Variants in LARGE1 observed in about 807,000 individuals in gnomAD.
LARGE1 encodes the protein LARGE xylosyl- and glucuronyltransferase 1, also known as xylosyl- and glucuronyltransferase LARGE1.
A neutral mutation model predicts 87.6 loss-of-function variants in LARGE1; 43 were observed. That is an observed-to-expected ratio of 0.49 (90% confidence interval 0.38 to 0.63). The LOEUF is 0.63. Among genes scored for constraint, LARGE1 ranks in the 30% least tolerant of loss-of-function variants. The pLI, the probability that LARGE1 is intolerant of heterozygous loss-of-function variation, is 0.00. For synonymous variants in LARGE1, 434 were observed against 394.6 expected, an observed-to-expected ratio of 1.10 and a Z score of -1.18; for missense variants, 802 against 1,000.2, an observed-to-expected ratio of 0.80 and a Z score of 2.67.
At chr22:33,289,261 C>T (rs1932109054) in intron 12 of LARGE1, among the ~76,000 whole-genome samples, 1 of 152,024 alleles carries the variant, frequency 6.6e-6, no homozygotes, top group Non-Finnish European at 1.5e-5. Flanking sequence ...CCCAGCTGGA[C>T]CAAGGAGTTC....
At chr22:33,245,484 TTCTA>T (rs1416121563) in intron 11 of LARGE1, among the ~76,000 whole-genome samples, 1 of 152,232 alleles carries the variant, frequency 6.6e-6, no homozygotes, top group African/African-American at 2.4e-5. Context: ...ACTGGACCAT[TTCTA>T]CCTCTTGGTA....
chr22:33,865,655 C>A (rs1547409), intron 1 of LARGE1, among the ~76,000 whole-genome samples: 27,765 of 151,780 alleles, frequency 0.18, 2,706 homozygotes, highest in Middle Eastern at 0.26. Context: ...CTGGGCCAGG[C>A]AGAATGCATC....
chr22:33,264,425 A>C (rs1170528064), intron 11 of LARGE1, among the ~76,000 whole-genome samples: 7 of 152,204 alleles, frequency 4.6e-5, no homozygotes, highest in Non-Finnish European at 1.0e-4. Flanking sequence ...CTGGGAGGCC[A>C]AAGCGGGTGG....
chr22:33,092,252 T>C, the LARGE1 span, among the ~76,000 whole-genome samples: 1 of 152,088 alleles, frequency 6.6e-6, no homozygotes, highest in South Asian at 2.1e-4. Context: ...CAGGGCTTTT[T>C]TTTTTTCTAT....
intron 6 of LARGE1, among the ~76,000 whole-genome samples, chr22:33,517,289 C>G (rs1392783095): frequency 6.6e-6 from 1 of 152,134 alleles, no homozygotes; most frequent in East Asian, 1.9e-4. Context: ...CCTCTCTGTC[C>G]CATCATCACC....
chr22:33,763,375 G>A (rs1196033655), intron 1 of LARGE1, among the ~76,000 whole-genome samples: 1 of 152,174 alleles, frequency 6.6e-6, no homozygotes. Flanking sequence ...GAAAGACCAC[G>A]GGGCTAGAGG....
intron 12 of LARGE1, among the ~76,000 whole-genome samples, chr22:33,293,448 T>C (rs1009757180): frequency 1.3e-5 from 2 of 152,234 alleles, no homozygotes; most frequent in South Asian, 4.1e-4. Flanking sequence ...TATAATGATA[T>C]TAATGAAGTC....
intron 2 of LARGE1, among the ~76,000 whole-genome samples, chr22:33,726,409 A>G (rs2083274285): frequency 6.6e-6 from 1 of 152,224 alleles, no homozygotes; most frequent in African/African-American, 2.4e-5. Flanking sequence ...GTAGAAGATC[A>G]CTGACTTCCA....
At chr22:33,632,885 A>C (rs750764660) in intron 3 of LARGE1, among the ~76,000 whole-genome samples, 1 of 152,198 alleles carries the variant, frequency 6.6e-6, no homozygotes, top group African/African-American at 2.4e-5. Flanking sequence ...GTAATGAACC[A>C]TAAAAGCTCT....
At position 33,385,392 on chromosome 22, in the gene LARGE1, G is replaced by T. The variant is rs1285596888; in HGVS notation, c.893-1088C>A. 2.0e-5 allele frequency among the ~76,000 whole-genome samples: 3 copies of T among 147,292 alleles called. No homozygotes were observed. The East Asian group carries it at 5.8e-4, about 29-fold the overall frequency. ...AAAAATGCAAAATTAGCTGGGTGTG[G>T]TGGTGCATGCCTGTGATCCCAGTTA... On this transcript the variant is annotated intron_variant, in intron 7 of 14. Transcript: ENST00000397394.
chr22:33,418,008 C>T (rs1416177435), intron 7 of LARGE1, among the ~76,000 whole-genome samples: 1 of 152,104 alleles, frequency 6.6e-6, no homozygotes, highest in Non-Finnish European at 1.5e-5. Flanking sequence ...AGTGCACTGG[C>T]ACAATCTCAG....
chr22:33,479,931 G>A (rs1053409540), intron 6 of LARGE1, among the ~76,000 whole-genome samples: 1 of 152,064 alleles, frequency 6.6e-6, no homozygotes, highest in Admixed American at 6.6e-5. Flanking sequence ...TTTTGGTAGA[G>A]ATGGGGTTTC....
intron 6 of LARGE1, among the ~76,000 whole-genome samples, chr22:33,471,831 T>C (rs1406459290): frequency 6.6e-6 from 1 of 152,114 alleles, no homozygotes; most frequent in African/African-American, 2.4e-5. Flanking sequence ...TCAGGAGTTC[T>C]AGACCAGCCT....
chr22:33,881,183 AG>A (rs2064671357), intron 1 of LARGE1, among the ~76,000 whole-genome samples: 1 of 152,132 alleles, frequency 6.6e-6, no homozygotes, highest in African/African-American at 2.4e-5. Flanking sequence ...CCAGGTTTCC[AG>A]AACACAGTTA....
At chr22:33,670,774 G>C (rs1397130129) in intron 2 of LARGE1, among the ~76,000 whole-genome samples, 1 of 152,190 alleles carries the variant, frequency 6.6e-6, no homozygotes, top group Non-Finnish European at 1.5e-5. Flanking sequence ...AAATTGTACA[G>C]TGCCCAACAG....
At chr22:33,730,516 C>T (rs375584655) in intron 2 of LARGE1, among the ~76,000 whole-genome samples, 27 of 152,192 alleles carry the variant, frequency 1.8e-4, no homozygotes, top group Middle Eastern at 3.4e-3. Context: ...AAAGCTTACA[C>T]GAATTTTTGA....
chr22:33,417,781 T>C (rs185267329), intron 7 of LARGE1, among the ~76,000 whole-genome samples: 1 of 152,296 alleles, frequency 6.6e-6, no homozygotes, highest in Non-Finnish European at 1.5e-5. Flanking sequence ...CCACGCCCTT[T>C]CTCAATCAAA....
intron 7 of LARGE1, among the ~76,000 whole-genome samples, chr22:33,429,178 T>C (rs999710505): frequency 6.6e-6 from 1 of 152,062 alleles, no homozygotes; most frequent in African/African-American, 2.4e-5. Flanking sequence ...TCAGTTTCCA[T>C]GAGAATCTAC....
the LARGE1 span, among the ~76,000 whole-genome samples, chr22:33,151,939 CA>C: frequency 0.025 from 2,745 of 109,706 alleles, 82 homozygotes; most frequent in African/African-American, 0.073. Context: ...ATGTTGGCCT[CA>C]AAAAAAAAAA....
Sources: allele counts gnomAD v4.1 joint callset (sites outside exome capture counted in the v4.1 genomes callset), GRCh38; gene constraint gnomAD v4.1.1; transcripts MANE v1.5; gene names NCBI Gene and HGNC (gene_info 2026-07-23, HGNC 2026-07-21).